Variants in SLC5A4 observed in about 807,000 individuals in gnomAD.
SLC5A4 encodes solute carrier family 5 member 4.
Under a neutral mutation model 70.3 loss-of-function variants are expected in SLC5A4, and 55 were observed. The observed-to-expected ratio is 0.78, with a 90% CI of 0.63 to 0.98. The LOEUF (loss-of-function observed/expected upper bound fraction) is 0.98. Ranked by LOEUF, SLC5A4 falls within the 50% of genes least tolerant of loss-of-function variation. The pLI, the probability that SLC5A4 is intolerant of heterozygous loss-of-function variation, is 0.00. For synonymous variants in SLC5A4, 268 were observed against 305.7 expected (o/e 0.88, Z 1.29); for missense variants, 735 against 839.2 (o/e 0.88, Z 1.53).
chr22:32,240,819 T>A (rs1227696345), intron 5 of SLC5A4, among the ~76,000 whole-genome samples: 1 of 152,228 alleles, frequency 6.6e-6, no homozygotes, highest in Non-Finnish European at 1.5e-5. Flanking sequence ...GATTTAAACC[T>A]GTGTGGTGTG....
At chr22:32,347,231 A>G in the SLC5A4 span, among the ~76,000 whole-genome samples, 1 of 152,114 alleles carries the variant, frequency 6.6e-6, no homozygotes, top group Non-Finnish European at 1.5e-5. Flanking sequence ...ATGTGGAGAA[A>G]TAGGAACACT....
At chr22:32,271,025 G>C in the SLC5A4 span, 1 of 547,350 alleles carries the variant, frequency 1.8e-6, no homozygotes, top group African/African-American at 1.9e-5. Context: ...CCCCACAGTC[G>C]GTGATGAGGA....
At chr22:32,345,440 A>G in the SLC5A4 span, among the ~76,000 whole-genome samples, 1 of 152,196 alleles carries the variant, frequency 6.6e-6, no homozygotes, top group Non-Finnish European at 1.5e-5. Flanking sequence ...TGTTCAATTG[A>G]TTTCTTAAAA....
Position 32,225,776 on chromosome 22 carries a change from A to T in SLC5A4, c.1328T>A (p.Leu443Gln). The T allele has an allele frequency of 6.2e-7, 1 of 1,612,596 alleles. No homozygotes were observed. The highest frequency in any genetic ancestry group is 8.5e-7 in the Non-Finnish European group (1 of 1,178,710). Residue 443 changes from leucine (L) to glutamine (Q), a missense_variant, in exon 12 of 15, where the codon CTG (leucine) becomes CAG (glutamine). Leu to Gln is a moderately radical substitution (Grantham distance 113). Transcript: ENST00000266086. The part of the protein sequence containing the change: ...LTVVSIVWVP[L>Q]VQVSQNGQLI... ...TTGTCCATTTTGAGAAACTTGTACC[A>T]GTGGGACCCACACAATGCTCACAAC...
the SLC5A4 span, among the ~76,000 whole-genome samples, chr22:32,265,616 G>C: frequency 6.6e-6 from 1 of 152,092 alleles, no homozygotes; most frequent in African/African-American, 2.4e-5. Flanking sequence ...GAGGTGGGTG[G>C]ATCACTTGAG....
At chr22:32,233,917 TG>T (rs1430625196) in intron 8 of SLC5A4, among the ~76,000 whole-genome samples, 1 of 150,322 alleles carries the variant, frequency 6.7e-6, no homozygotes, top group African/African-American at 2.4e-5. Context: ...GGTTCAGCTG[TG>T]AATTACATTC....
At chr22:32,279,446 G>A in the SLC5A4 span, among the ~76,000 whole-genome samples, 20 of 152,254 alleles carry the variant, frequency 1.3e-4, no homozygotes, top group East Asian at 2.5e-3. Flanking sequence ...CAAGGAAGAG[G>A]CTGCAATGAA....
At chr22:32,270,480 AC>A in the SLC5A4 span, 1 of 827,244 alleles carries the variant, frequency 1.2e-6, no homozygotes, top group Non-Finnish European at 2.0e-6. Context: ...CGGAGCAGGA[AC>A]CCAGCACCCC....
chr22:32,263,275 A>C, the SLC5A4 span, among the ~76,000 whole-genome samples: 1 of 152,248 alleles, frequency 6.6e-6, no homozygotes, highest in Non-Finnish European at 1.5e-5. Context: ...CTGCGATTAC[A>C]GGCATGAGCC....
chr22:32,311,892 G>T, the SLC5A4 span, among the ~76,000 whole-genome samples: 1 of 152,176 alleles, frequency 6.6e-6, no homozygotes, highest in Admixed American at 6.5e-5. Context: ...TCATGTCCAG[G>T]GAGTTGGAGC....
the SLC5A4 span, among the ~76,000 whole-genome samples, chr22:32,323,913 G>A: frequency 2.8e-4 from 42 of 152,300 alleles, no homozygotes; most frequent in African/African-American, 9.9e-4. Context: ...TGTTAAAGAG[G>A]TTGTCCATTC....
At chr22:32,335,652 C>A in the SLC5A4 span, among the ~76,000 whole-genome samples, 169 of 152,316 alleles carry the variant, frequency 1.1e-3, no homozygotes, top group African/African-American at 3.9e-3. Context: ...GGAGTCCGGT[C>A]CAAGCCCAGC....
At chr22:32,284,656 A>G in the SLC5A4 span, 1 of 152,316 alleles carries the variant, frequency 6.6e-6, no homozygotes, top group Admixed American at 6.5e-5. Context: ...TTTCCACCAT[A>G]TTCTATTGAT....
At chr22:32,255,131 C>G in intron 1 of SLC5A4, 64 bp downstream of exon 1, 3 of 1,360,222 alleles carry the variant, frequency 2.2e-6, no homozygotes, top group Non-Finnish European at 3.1e-6. Flanking sequence ...ACACCCCTTC[C>G]CCCCTTAAGA....
At chr22:32,244,375 C>T (rs1184098289) in intron 5 of SLC5A4, among the ~76,000 whole-genome samples, 1 of 152,202 alleles carries the variant, frequency 6.6e-6, no homozygotes, top group Admixed American at 6.5e-5. Flanking sequence ...TATTACACCA[C>T]AGCATTTTGA....
At chr22:32,227,123 G>C (rs1603225891) in intron 11 of SLC5A4, among the ~76,000 whole-genome samples, 1 of 152,184 alleles carries the variant, frequency 6.6e-6, no homozygotes, top group East Asian at 1.9e-4. Context: ...TCCTGACAAA[G>C]GCATATATTC....
the SLC5A4 span, among the ~76,000 whole-genome samples, chr22:32,352,520 C>G: frequency 6.6e-6 from 1 of 152,130 alleles, no homozygotes; most frequent in East Asian, 1.9e-4. Context: ...ACACCTGACT[C>G]AGGTGCCAGC....
the SLC5A4 span, chr22:32,271,818 A>G: frequency 2.8e-5 from 17 of 607,172 alleles, no homozygotes; most frequent in South Asian, 4.4e-5. Flanking sequence ...TACCTGTCCT[A>G]TGATTCCCCG....
At chr22:32,316,876 T>G in the SLC5A4 span, among the ~76,000 whole-genome samples, 8,239 of 151,980 alleles carry the variant, frequency 0.054, 378 homozygotes, top group Admixed American at 0.15. Context: ...CCATTCCATA[T>G]GCAGTTGGCA....
Sources: gnomAD v4.1 joint callset for allele counts (sites outside exome capture counted in the v4.1 genomes callset) on GRCh38, gnomAD v4.1.1 for gene constraint, MANE v1.5 for transcripts, NCBI Gene and HGNC (gene_info 2026-07-23, HGNC 2026-07-21) for gene names.